FRY: variants seen among roughly 807,000 people sequenced by gnomAD.
FRY encodes the protein FRY microtubule binding protein.
In FRY, 128 loss-of-function variants were observed where a neutral mutation model predicts 348.4. That is an observed-to-expected ratio of 0.37 (90% CI 0.32 to 0.43). The LOEUF (loss-of-function observed/expected upper bound fraction) is 0.43, where lower values mean the gene tolerates loss of function less well. Among genes scored for constraint, FRY ranks in the 20% least tolerant of loss-of-function variants. The pLI is 1.00. For missense variants in FRY, 2,736 were observed against 3,695.2 expected (o/e 0.74, Z 6.73); for synonymous variants, 1,370 against 1,374.7 (o/e 1.00, Z 0.08).
At chr13:32,143,566 C>T (rs765986972) in intron 11 of FRY, among the ~76,000 whole-genome samples, 17 of 151,898 alleles carry the variant, frequency 1.1e-4, no homozygotes, top group African/African-American at 4.8e-5. Flanking sequence ...CTAGAGATCT[C>T]GGTTATGGTC....
At chr13:32,058,553 T>A (rs760024180) in intron 1 of FRY, among the ~76,000 whole-genome samples, 26 of 152,368 alleles carry the variant, frequency 1.7e-4, no homozygotes, top group South Asian at 4.1e-4. Context: ...ATATCAGCCA[T>A]CAGCTGACAG....
Position 32,211,022 on chromosome 13 carries a change from G to T in FRY, c.4579G>T (p.Ala1527Ser). 1 of 1,613,976 alleles carries T rather than the reference G, an allele frequency of 6.2e-7. No individual in the cohort carries two copies. Among genetic ancestry groups the T allele is most frequent in the Non-Finnish European group, 8.5e-7 (1 of 1,179,864 alleles). The change falls in exon 34 of 61, where the codon GCA (alanine) becomes TCA (serine). Residue 1527 changes from alanine (A) to serine (S), a missense_variant. By Grantham distance (99) the Ala-to-Ser change is moderately conservative. Coordinates refer to ENST00000542859, the MANE Select transcript of FRY (RefSeq NM_023037.3). Reference sequence around the variant, plus strand: ...CTTCACGGCCAGTAGCAAGGCTTCCGCAGCAGCCTCAGGTAAGAAGAGCAA... The same window carrying T: ...CTTCACGGCCAGTAGCAAGGCTTCCTCAGCAGCCTCAGGTAAGAAGAGCAA... ...YRFTASSKAS[A>S]AASGTTSSSN...
intron 3 of FRY, among the ~76,000 whole-genome samples, chr13:32,106,769 T>C (rs563739468): frequency 1.3e-5 from 2 of 152,278 alleles, no homozygotes; most frequent in South Asian, 4.1e-4. Context: ...ATTTTATACC[T>C]AAGGAAGAAG....
At chr13:32,168,674 A>G (rs933232022) in intron 17 of FRY, among the ~76,000 whole-genome samples, 5 of 152,234 alleles carry the variant, frequency 3.3e-5, no homozygotes, top group Admixed American at 6.5e-5. Flanking sequence ...CGTCCCTGAA[A>G]AATTAGCTTA....
Position 32,224,982 on chromosome 13 carries a change from G to C in FRY, c.4966G>C (p.Val1656Leu). The change falls in exon 38 of 61, where the codon GTA becomes CTA. Residue 1656 changes from valine to leucine, a missense_variant. This residue lies in a region of FRY where 794 missense variants were observed against 977.0 expected (regional missense o/e 0.81). Coordinates refer to ENST00000542859, the MANE Select transcript of FRY (RefSeq NM_023037.3). ...GACTGAAATGGTGGTGGATCACAGT[G>C]TACGAGAAGACTGGGCGCTTCATCT... ...FMTEMVVDHS[V>L]REDWALHLPL... is the part of the protein sequence containing the mutation. 1 of 1,612,344 alleles carries C rather than the reference G, an allele frequency of 6.2e-7. No homozygotes were observed. The highest frequency in any genetic ancestry group is 8.5e-7 in the Non-Finnish European group (1 of 1,178,370).
chr13:32,283,978 G>A (rs1566194677), intron 58 of FRY, among the ~76,000 whole-genome samples: 1 of 152,196 alleles, frequency 6.6e-6, no homozygotes, highest in Non-Finnish European at 1.5e-5. Context: ...CATAAATGGA[G>A]GTCAGGGAAC....
chr13:32,087,610 G>A (rs1335075611), intron 2 of FRY, among the ~76,000 whole-genome samples: 4 of 152,180 alleles, frequency 2.6e-5, no homozygotes, highest in Non-Finnish European at 5.9e-5. Context: ...GACCATATCT[G>A]ATGAGAAGTA....
intron 17 of FRY, among the ~76,000 whole-genome samples, chr13:32,168,287 C>T (rs1211617325): frequency 1.3e-5 from 2 of 152,216 alleles, no homozygotes; most frequent in Admixed American, 6.5e-5. Context: ...GTTGAATTCT[C>T]TCTTGCTCAG....
intron 22 of FRY, 58 bp downstream of exon 22, chr13:32,179,091 C>G: frequency 7.2e-7 from 1 of 1,379,378 alleles, no homozygotes; most frequent in Non-Finnish European, 1.0e-6. Flanking sequence ...GCTTGTTTGT[C>G]TAGAGTTCAC....
chr13:32,251,047 C>T (rs1433982317), intron 49 of FRY, among the ~76,000 whole-genome samples: 2 of 152,142 alleles, frequency 1.3e-5, no homozygotes, highest in Non-Finnish European at 2.9e-5. Flanking sequence ...AATTGAGTTC[C>T]GTTAAGAAGA....
Position 32,267,236 on chromosome 13 carries a change from C to A in FRY, c.8013C>A (p.Ala2671=). 1 of 1,614,198 alleles carries A rather than the reference C, an allele frequency of 6.2e-7. No homozygotes were observed. Among genetic ancestry groups the A allele is most frequent in the Non-Finnish European group, 8.5e-7 (1 of 1,180,032 alleles). Residue 2671 remains alanine, a synonymous_variant, in exon 55 of 61, where the codon GCC becomes GCA. Transcript: ENST00000542859. ...PSPFFSAILA[A]FQPAACDDAE... ...CCTTCTTCTCAGCCATCCTTGCCGC[C>A]TTTCAGCCCGCAGCCTGTGACGATG...
intron 1 of FRY, among the ~76,000 whole-genome samples, chr13:32,045,505 C>T (rs1872974481): frequency 6.6e-6 from 1 of 152,176 alleles, no homozygotes; most frequent in Admixed American, 6.5e-5. Flanking sequence ...CATCAGCCTC[C>T]ATAGACAGGG....
At chr13:32,034,467 G>GCCCTT (rs1872406208) in intron 1 of FRY, among the ~76,000 whole-genome samples, 1 of 152,106 alleles carries the variant, frequency 6.6e-6, no homozygotes, top group Non-Finnish European at 1.5e-5. Flanking sequence ...GAATGGAGGT[G>GCCCTT]GGAATTAAAA....
At chr13:32,274,560 C>T (rs1566187326) in intron 55 of FRY, among the ~76,000 whole-genome samples, 3 of 151,486 alleles carry the variant, frequency 2.0e-5, no homozygotes, top group Admixed American at 6.6e-5. Flanking sequence ...AAAAATTAGC[C>T]AGGCGTGGTG....
At chr13:32,249,775 C>A in intron 49 of FRY, 88 bp downstream of exon 49, 1 of 1,233,656 alleles carries the variant, frequency 8.1e-7, no homozygotes, top group Non-Finnish European at 1.2e-6. Context: ...TCCCTCTCAC[C>A]ATCCCAAGGT....
intron 31 of FRY, 68 bp from the exon 32 acceptor site, chr13:32,208,785 A>G (rs1884506434): frequency 6.3e-7 from 1 of 1,582,702 alleles, no homozygotes; most frequent in South Asian, 1.1e-5. Context: ...GCAAGTTGGC[A>G]TTTGAATTTC....
At chr13:32,032,308 C>T (rs909620664) in intron 1 of FRY, among the ~76,000 whole-genome samples, 1 of 152,016 alleles carries the variant, frequency 6.6e-6, no homozygotes, top group African/African-American at 2.4e-5. Context: ...TTTCAGAGTA[C>T]TTTGTAATTG....
At chr13:32,056,145 C>T (rs887000736) in intron 1 of FRY, among the ~76,000 whole-genome samples, 17 of 146,950 alleles carry the variant, frequency 1.2e-4, no homozygotes, top group Non-Finnish European at 2.4e-4. Context: ...GAGCTGAGGT[C>T]GCATCACTGC....
Position 32,124,362 on chromosome 13 carries a change from G to C in FRY, c.541G>C (p.Glu181Gln). Residue 181 changes from glutamate (E) to glutamine (Q), a missense_variant, in exon 5 of 61, where the codon GAA (glutamate) becomes CAA (glutamine). Around this residue, in one of 9 missense-constraint regions of FRY, gnomAD observed 309 missense variants for 418.1 expected, o/e 0.74. Transcript: ENST00000542859. Reference protein sequence around the residue: ...IDFIFSLVLIEVLKQIPLHPV... With the variant: ...IDFIFSLVLIQVLKQIPLHPV... ...TTTTATTTTTTCTTTAGTATTAATA[G>C]AAGTTTTGAAACAGGTAGGTGATTA... 1 of 1,540,602 alleles carries C rather than the reference G, an allele frequency of 6.5e-7. No homozygotes were observed. Among genetic ancestry groups the C allele is most frequent in the Non-Finnish European group, 9.0e-7 (1 of 1,113,882 alleles).
Sources: gnomAD v4.1 joint callset for allele counts (sites outside exome capture counted in the v4.1 genomes callset) on GRCh38, gnomAD v4.1.1 for gene constraint, gnomAD v4.1.1 regional missense constraint, MANE v1.5 for transcripts, NCBI Gene and HGNC (gene_info 2026-07-23, HGNC 2026-07-21) for gene names.